Variants in BCL2L13 observed in about 807,000 individuals in gnomAD.
BCL2L13 encodes the protein bcl-2-like protein 13.
A neutral mutation model predicts 25.8 loss-of-function variants in BCL2L13; 13 were observed. The observed-to-expected ratio is 0.50, with a 90% CI of 0.33 to 0.80. The LOEUF is 0.80. Among genes scored for constraint, BCL2L13 ranks in the 30% least tolerant of loss-of-function variants. BCL2L13 has a pLI of 0.02. For missense variants in BCL2L13, 504 were observed against 574.9 expected (o/e 0.88, Z 1.26); for synonymous variants, 244 against 230.3 (o/e 1.06, Z -0.54).
intron 6 of BCL2L13, among the ~76,000 whole-genome samples, chr22:17,726,382 G>T (rs896525436): frequency 1.1e-4 from 16 of 151,004 alleles, no homozygotes; most frequent in African/African-American, 3.9e-4. Flanking sequence ...TCAGATTTTG[G>T]ATCATTTCAG....
intron 2 of BCL2L13, among the ~76,000 whole-genome samples, chr22:17,663,745 G>A (rs539214719): frequency 7.1e-4 from 99 of 139,908 alleles, no homozygotes; most frequent in Non-Finnish European, 1.3e-3. Flanking sequence ...GTGGTGCAGT[G>A]GTGCGATCTT....
intron 2 of BCL2L13, among the ~76,000 whole-genome samples, chr22:17,669,575 T>C (rs1404609880): frequency 6.6e-6 from 1 of 152,190 alleles, no homozygotes; most frequent in Non-Finnish European, 1.5e-5. Flanking sequence ...AGGTCATCCA[T>C]GAGGGATGCA....
At chr22:17,687,577 C>T (rs796746525) in intron 3 of BCL2L13, among the ~76,000 whole-genome samples, 12 of 152,072 alleles carry the variant, frequency 7.9e-5, no homozygotes, top group African/African-American at 2.9e-4. Context: ...AGTGCAGTGT[C>T]GCAGTCTCGG....
intron 6 of BCL2L13, among the ~76,000 whole-genome samples, chr22:17,704,465 A>G (rs1036609702): frequency 1.3e-5 from 2 of 151,784 alleles, no homozygotes; most frequent in Admixed American, 6.6e-5. Flanking sequence ...TAAGCTCTCC[A>G]TTTGCTTGTG....
intron 1 of BCL2L13, among the ~76,000 whole-genome samples, chr22:17,632,745 T>G (rs912637138): frequency 1.0e-4 from 15 of 143,608 alleles, no homozygotes; most frequent in East Asian, 3.9e-4. Context: ...TCTTTATGAT[T>G]CTTCTTCTTT....
At position 17,730,159 on chromosome 22, in the gene BCL2L13, A is replaced by G. The variant is rs1014896084; in HGVS notation, c.*2625A>G. The stretch of plus-strand genomic sequence containing the variant: ...GAAGGTAATGATTTATTGGGGGGAA[A>G]AAACAACGCCAATTTATCCTCTCTG... On this transcript the variant is annotated 3_prime_UTR_variant, in exon 7 of 7. Transcript: ENST00000317582. 2.0e-5 allele frequency: 3 copies of G among 152,210 alleles called. No individual in the cohort carries two copies. The highest frequency in any genetic ancestry group is 4.8e-5 in the African/African-American group (2 of 41,448). The allele number at this position is 152,210 out of a possible 1,614,324, so 9.4% of individuals were successfully genotyped here.
chr22:17,692,015 T>C (rs2587078), intron 4 of BCL2L13, among the ~76,000 whole-genome samples: 129,746 of 152,246 alleles, frequency 0.85, 55,421 homozygotes, highest in East Asian at 0.94. Flanking sequence ...TTACTAGTAC[T>C]TTGAAAATAA....
At chr22:17,699,779 C>G (rs1454948493) in intron 5 of BCL2L13, among the ~76,000 whole-genome samples, 2 of 151,970 alleles carry the variant, frequency 1.3e-5, no homozygotes, top group East Asian at 1.9e-4. Context: ...CAAAAAAAAT[C>G]AGTTGTGCAG....
chr22:17,712,690 A>G (rs1209926148), intron 6 of BCL2L13, among the ~76,000 whole-genome samples: 1 of 152,202 alleles, frequency 6.6e-6, no homozygotes, highest in Non-Finnish European at 1.5e-5. Context: ...AAGATAGGTA[A>G]ATACAACTTT....
chr22:17,668,620 C>A (rs989995745), intron 2 of BCL2L13, among the ~76,000 whole-genome samples: 1 of 151,996 alleles, frequency 6.6e-6, no homozygotes, highest in Admixed American at 6.6e-5. Flanking sequence ...GCGTGCACCA[C>A]GATGCCTGGC....
chr22:17,725,045 G>A (rs572708585), intron 6 of BCL2L13, among the ~76,000 whole-genome samples: 49 of 152,324 alleles, frequency 3.2e-4, no homozygotes, highest in African/African-American at 1.1e-3. Context: ...GCACACGGTG[G>A]CCTGTTATTA....
Position 17,689,089 on chromosome 22 carries a change from G to A in BCL2L13, c.333G>A (p.Val111=). The change falls in exon 4 of 7, where the codon GTG becomes GTA. Residue 111 remains valine (V), a synonymous_variant. Transcript: ENST00000317582. Reference sequence around the variant, plus strand: ...GCTTGGCCCATCTTGGAGAAAAAGTGTCCCAGGAACTGAAAGAGCCTCTCC... The same window carrying A: ...GCTTGGCCCATCTTGGAGAAAAAGTATCCCAGGAACTGAAAGAGCCTCTCC... The part of the protein sequence containing the change: ...EDCLAHLGEK[V]SQELKEPLHK... The A allele has an allele frequency of 6.2e-7, 1 of 1,614,136 alleles. No individual in the cohort carries two copies. Among genetic ancestry groups the A allele is most frequent in the Non-Finnish European group, 8.5e-7 (1 of 1,180,012 alleles).
chr22:17,698,618 AT>A (rs892594192), intron 5 of BCL2L13, among the ~76,000 whole-genome samples: 3 of 149,710 alleles, frequency 2.0e-5, no homozygotes, highest in African/African-American at 7.4e-5. Context: ...GAGCCGAGCT[AT>A]TTGGGAGGCT....
intron 6 of BCL2L13, among the ~76,000 whole-genome samples, chr22:17,709,750 C>G (rs74657607): frequency 0.018 from 2,726 of 152,096 alleles, 77 homozygotes; most frequent in African/African-American, 0.061. Context: ...CTGCTGCACT[C>G]CAGCCTAGGC....
chr22:17,696,044 G>A (rs1016140175), intron 4 of BCL2L13, 97 bp from the exon 5 acceptor site: 6 of 802,350 alleles, frequency 7.5e-6, no homozygotes, highest in Non-Finnish European at 1.2e-5. Context: ...TGTCAGTTTA[G>A]CAAAAAGTTC....
chr22:17,638,761 T>G lies in BCL2L13; in HGVS notation c.-176T>G, dbSNP rs552781390. The G allele has an allele frequency of 8.1e-7, 1 of 1,231,620 alleles. No homozygotes were observed. Among genetic ancestry groups the G allele is most frequent in the East Asian group, 3.2e-5 (1 of 31,680 alleles). 76.3% of individuals were successfully genotyped at this position (1,231,620 alleles called of 1,614,324 possible). A position where few individuals can be genotyped will look rare whatever the true frequency, so the allele number is the denominator to read the frequency against. ...AAGGCACGCCGGGGTGACCTCACCC[T>G]CCAACATGGCGGCGGCGGTAGATTA... On this transcript the variant is annotated 5_prime_UTR_variant, in exon 1 of 7. Coordinates refer to ENST00000317582, the MANE Select transcript of BCL2L13 (RefSeq NM_015367.4).
At chr22:17,694,684 G>T (rs2060211693) in intron 4 of BCL2L13, among the ~76,000 whole-genome samples, 1 of 151,948 alleles carries the variant, frequency 6.6e-6, no homozygotes, top group Non-Finnish European at 1.5e-5. Flanking sequence ...CGTTTCTAAT[G>T]CTCATTAGCT....
At chr22:17,659,353 G>A (rs2058993674) in intron 2 of BCL2L13, among the ~76,000 whole-genome samples, 1 of 145,568 alleles carries the variant, frequency 6.9e-6, no homozygotes, top group Admixed American at 6.9e-5. Context: ...GACAGAGCGA[G>A]ACTTCGTCTC....
At chr22:17,698,468 C>T (rs1188772173) in intron 5 of BCL2L13, among the ~76,000 whole-genome samples, 2 of 150,206 alleles carry the variant, frequency 1.3e-5, no homozygotes, top group Non-Finnish European at 2.9e-5. Context: ...CACCTGTAAT[C>T]CCAGCACTTT....
Sources: allele counts gnomAD v4.1 joint callset (sites outside exome capture counted in the v4.1 genomes callset), GRCh38; gene constraint gnomAD v4.1.1; transcripts MANE v1.5; gene names NCBI Gene and HGNC (gene_info 2026-07-23, HGNC 2026-07-21).